The following CAST variants were observed in gnomAD, a reference collection of about 807,000 sequenced individuals.
CAST encodes the protein MIR583 host.
Under a neutral mutation model 119.6 loss-of-function variants are expected in CAST, and 76 were observed. The ratio of observed to expected loss-of-function variants is 0.64; its 90% confidence interval spans 0.53 to 0.77. The LOEUF (loss-of-function observed/expected upper bound fraction) is 0.77, where lower values mean the gene tolerates loss of function less well. Ranked by LOEUF, CAST falls within the 30% of genes least tolerant of loss-of-function variation. CAST has a pLI of 0.00. For synonymous variants in CAST, 319 were observed against 331.6 expected (o/e 0.96, Z 0.41); for missense variants, 953 against 946.5 (o/e 1.01, Z -0.09).
chr5:96,765,108 C>T (rs1769384913), intron 25 of CAST, 113 bp from the exon 26 acceptor site: 2 of 694,960 alleles, frequency 2.9e-6, no homozygotes, highest in South Asian at 1.7e-5. Flanking sequence ...CCCCAGATGT[C>T]TTTTTCTTCC....
the CAST span, among the ~76,000 whole-genome samples, chr5:96,375,900 T>TCTCTCTATATATAAATATATAAATATAA: frequency 7.6e-6 from 1 of 131,482 alleles, no homozygotes; most frequent in African/African-American, 3.7e-5. Flanking sequence ...TCTCTCTCTC[T>TCTCTCTATATATAAATATATAAATATAA]ATATATATAT....
chr5:96,470,732 G>T, the CAST span, among the ~76,000 whole-genome samples: 1 of 152,026 alleles, frequency 6.6e-6, no homozygotes, highest in African/African-American at 2.4e-5. Context: ...AAAATTTATA[G>T]ATTTGCATAT....
At chr5:96,292,309 C>G in the CAST span, among the ~76,000 whole-genome samples, 1 of 152,158 alleles carries the variant, frequency 6.6e-6, no homozygotes, top group Non-Finnish European at 1.5e-5. Context: ...CTTAGGACTC[C>G]GTTTCCAATA....
At chr5:96,265,034 T>C in the CAST span, among the ~76,000 whole-genome samples, 1 of 152,322 alleles carries the variant, frequency 6.6e-6, no homozygotes, top group South Asian at 2.1e-4. Flanking sequence ...CTGTTGGAAA[T>C]ATACCTAAAA....
chr5:96,233,839 C>T, the CAST span, among the ~76,000 whole-genome samples: 16 of 152,034 alleles, frequency 1.1e-4, no homozygotes, highest in African/African-American at 2.4e-4. Context: ...CTTATATCTT[C>T]GTGTATAATC....
the CAST span, among the ~76,000 whole-genome samples, chr5:96,170,289 C>A: frequency 6.6e-6 from 1 of 152,162 alleles, no homozygotes; most frequent in Non-Finnish European, 1.5e-5. Context: ...TAGGAGGAAT[C>A]CCGGGCTGCC....
At chr5:95,963,094 T>A in the CAST span, among the ~76,000 whole-genome samples, 1 of 152,138 alleles carries the variant, frequency 6.6e-6, no homozygotes. Context: ...AACAAACCAT[T>A]GAAAGCTTTC....
the CAST span, among the ~76,000 whole-genome samples, chr5:96,119,066 A>G: frequency 6.6e-6 from 1 of 152,174 alleles, no homozygotes; most frequent in African/African-American, 2.4e-5. Context: ...CAGTTGGACT[A>G]TAATGGGAAT....
chr5:96,643,858 C>A, intron 1 of CAST, among the ~76,000 whole-genome samples: 1 of 151,626 alleles, frequency 6.6e-6, no homozygotes. Flanking sequence ...GGCAACTGAG[C>A]GAGACTTCAT....
the CAST span, among the ~76,000 whole-genome samples, chr5:96,101,968 C>T: frequency 6.6e-6 from 1 of 152,116 alleles, no homozygotes; most frequent in African/African-American, 2.4e-5. Context: ...TTGTGTGAGC[C>T]CTGTGGCACC....
upstream of CAST, among the ~76,000 whole-genome samples, chr5:96,520,522 T>C (rs1436723870): frequency 6.6e-6 from 1 of 152,150 alleles, no homozygotes; most frequent in Admixed American, 6.5e-5. Context: ...TGTGTGTTTG[T>C]GTCAGTGTGT....
chr5:96,586,272 G>A (rs1196358670), intron 1 of CAST, among the ~76,000 whole-genome samples: 4 of 152,054 alleles, frequency 2.6e-5, no homozygotes, highest in African/African-American at 9.7e-5. Context: ...TTTCCCCTGT[G>A]GCTAGAAATA....
chr5:96,402,252 G>T, the CAST span, among the ~76,000 whole-genome samples: 1 of 152,176 alleles, frequency 6.6e-6, no homozygotes, highest in Non-Finnish European at 1.5e-5. Context: ...GATTTCAAAG[G>T]TCTTACCTGG....
chr5:96,217,204 A>T, the CAST span, among the ~76,000 whole-genome samples: 1 of 97,018 alleles, frequency 1.0e-5, no homozygotes, highest in African/African-American at 4.1e-5. Flanking sequence ...ATGCTAGCTA[A>T]TTTTTTTTTT....
At chr5:96,470,956 C>T in the CAST span, among the ~76,000 whole-genome samples, 1 of 151,958 alleles carries the variant, frequency 6.6e-6, no homozygotes, top group Non-Finnish European at 1.5e-5. Context: ...TAAAAATGAC[C>T]TTAGGGCCTC....
At chr5:96,426,681 T>C in the CAST span, among the ~76,000 whole-genome samples, 8 of 152,242 alleles carry the variant, frequency 5.3e-5, no homozygotes, top group African/African-American at 1.7e-4. Context: ...GATAATTCTA[T>C]ACTCTTATTT....
At chr5:96,103,490 G>A in the CAST span, among the ~76,000 whole-genome samples, 1 of 150,820 alleles carries the variant, frequency 6.6e-6, no homozygotes, top group Non-Finnish European at 1.5e-5. Context: ...TGAGAATGAT[G>A]ATTTCCAATT....
At chr5:96,502,613 A>AGTCT in the CAST span, among the ~76,000 whole-genome samples, 82 of 119,458 alleles carry the variant, frequency 6.9e-4, no homozygotes, top group African/African-American at 1.7e-3. Flanking sequence ...CAAGTTACCT[A>AGTCT]GTCTTTCTTT....
At chr5:95,972,165 G>A in the CAST span, among the ~76,000 whole-genome samples, 1 of 151,990 alleles carries the variant, frequency 6.6e-6, no homozygotes, top group African/African-American at 2.4e-5. Flanking sequence ...GTCTCACTGT[G>A]TTGCCCAGGC....
Sources: allele counts gnomAD v4.1 joint callset (sites outside exome capture counted in the v4.1 genomes callset), GRCh38; gene constraint gnomAD v4.1.1; transcripts MANE v1.5; gene names NCBI Gene and HGNC (gene_info 2026-07-23, HGNC 2026-07-21).